ASTN2: variants seen among roughly 807,000 people sequenced by gnomAD.
The protein encoded by ASTN2 is astrotactin 2.
ASTN2 carries 54 observed loss-of-function variants against 139.8 expected under a neutral mutation model. That is an observed-to-expected ratio of 0.39 (90% CI 0.31 to 0.48). The LOEUF is 0.48. ASTN2 is among the 20% of genes least tolerant of loss of function. The probability of loss-of-function intolerance (pLI) is 0.95; values close to 1 mark genes in which losing one functional copy is unlikely to be tolerated. For synonymous variants in ASTN2, 756 were observed against 719.5 expected, an observed-to-expected ratio of 1.05 and a Z score of -0.81; for missense variants, 1,565 against 1,725.1, an observed-to-expected ratio of 0.91 and a Z score of 1.64.
chr9:116,569,896 T>G (rs184510875), intron 19 of ASTN2, among the ~76,000 whole-genome samples: 2 of 152,210 alleles, frequency 1.3e-5, no homozygotes, highest in African/African-American at 4.8e-5. Context: ...TTTCTCTGAC[T>G]GGTTGGAGAG....
At chr9:117,324,224 T>C (rs1020108512) in intron 1 of ASTN2, among the ~76,000 whole-genome samples, 1 of 152,106 alleles carries the variant, frequency 6.6e-6, no homozygotes, top group African/African-American at 2.4e-5. Flanking sequence ...AGGACAAAAG[T>C]GTTCCAGCCA....
At chr9:117,069,516 CT>C (rs1226085101) in intron 5 of ASTN2, among the ~76,000 whole-genome samples, 1 of 43,022 alleles carries the variant, frequency 2.3e-5, no homozygotes, top group East Asian at 9.4e-4. Flanking sequence ...CTGTAGATGT[CT>C]ATTAGGTCCG....
Position 116,433,554 on chromosome 9 carries a change from T to C in ASTN2, c.3782+7055A>G, listed in dbSNP as rs533507922. Among the ~76,000 whole-genome samples, 3 of 152,328 alleles carry C rather than the reference T, an allele frequency of 2.0e-5. No homozygotes were observed. In the East Asian group the frequency reaches 5.8e-4, roughly 29 times the overall value. Reference sequence around the variant, plus strand: ...ATTATTTTATATATTTCTGTATCATTTGGATTTTATATAATGAACAATAAT... The same window carrying C: ...ATTATTTTATATATTTCTGTATCATCTGGATTTTATATAATGAACAATAAT... On this transcript the variant is annotated intron_variant, in intron 22 of 22. Coordinates refer to ENST00000313400, the MANE Select transcript of ASTN2 (RefSeq NM_001365068.1).
At chr9:117,127,152 T>C (rs1829708885) in intron 4 of ASTN2, among the ~76,000 whole-genome samples, 1 of 152,190 alleles carries the variant, frequency 6.6e-6, no homozygotes, top group South Asian at 2.1e-4. Flanking sequence ...CATCCTGGGT[T>C]GCTGTAGTTA....
chr9:117,094,617 G>T (rs1200146971), intron 5 of ASTN2, among the ~76,000 whole-genome samples: 1 of 152,100 alleles, frequency 6.6e-6, no homozygotes, highest in Non-Finnish European at 1.5e-5. Context: ...GGAGGGAGAG[G>T]CAGATCCCAT....
chr9:117,256,557 C>T (rs1332966012), intron 2 of ASTN2, among the ~76,000 whole-genome samples: 4 of 152,114 alleles, frequency 2.6e-5, no homozygotes, highest in Non-Finnish European at 4.4e-5. Flanking sequence ...TGGACTTGAA[C>T]TTAGGTTTGT....
At chr9:117,098,985 G>A (rs1828906333) in intron 4 of ASTN2, among the ~76,000 whole-genome samples, 1 of 151,604 alleles carries the variant, frequency 6.6e-6, no homozygotes, top group Non-Finnish European at 1.5e-5. Context: ...GCATGTACGT[G>A]TAATCCCAGC....
rs1588455263 is a variant in ASTN2 at position 116,978,512 on chromosome 9, C to A, written c.1592-1727G>T. Among the ~76,000 whole-genome samples the A allele has an allele frequency of 2.1e-5, 3 of 146,084 alleles. No individual in the cohort carries two copies. The South Asian group carries it at 6.4e-4, about 31-fold the overall frequency. On this transcript the variant is annotated intron_variant, in intron 7 of 22. Transcript: ENST00000313400. ...TCTCTCACGCACACACACACACACA[C>A]ACACACACACAGAGAGATAAACCTG...
At chr9:116,939,839 G>A (rs748555283) in intron 10 of ASTN2, among the ~76,000 whole-genome samples, 2 of 152,136 alleles carry the variant, frequency 1.3e-5, no homozygotes, top group African/African-American at 2.4e-5. Context: ...TGACGTTTCC[G>A]TCAACCATGG....
At chr9:117,044,609 A>G (rs1329090803) in intron 5 of ASTN2, among the ~76,000 whole-genome samples, 2 of 152,230 alleles carry the variant, frequency 1.3e-5, no homozygotes, top group Non-Finnish European at 2.9e-5. Context: ...CTCCCAAAGC[A>G]GGCTTCTTAC....
chr9:116,769,387 A>C (rs1023002928), intron 13 of ASTN2, among the ~76,000 whole-genome samples: 1 of 151,984 alleles, frequency 6.6e-6, no homozygotes, highest in East Asian at 1.9e-4. Flanking sequence ...AGTAAGTGGG[A>C]AGTGAGGAAG....
chr9:116,976,309 G>T (rs1836340342), intron 8 of ASTN2, 121 bp from the exon 9 acceptor site: 1 of 755,946 alleles, frequency 1.3e-6, no homozygotes, highest in Non-Finnish European at 2.3e-6. Context: ...TAATTATTGG[G>T]CAAGACTACT....
chr9:116,913,134 C>G (rs1834360464), intron 10 of ASTN2, among the ~76,000 whole-genome samples: 1 of 152,172 alleles, frequency 6.6e-6, no homozygotes, highest in Admixed American at 6.5e-5. Context: ...GAACTCCTGA[C>G]CTCAAGTGAT....
chr9:117,411,332 G>T (rs1424756659), intron 1 of ASTN2, among the ~76,000 whole-genome samples: 2 of 147,994 alleles, frequency 1.4e-5, no homozygotes, highest in Non-Finnish European at 3.0e-5. Context: ...TTCTAAAGAA[G>T]AATCCCAGGC....
chr9:116,870,685 G>A (rs1288351718), intron 10 of ASTN2, among the ~76,000 whole-genome samples: 1 of 152,174 alleles, frequency 6.6e-6, no homozygotes, highest in Non-Finnish European at 1.5e-5. Flanking sequence ...GACCGGTAAA[G>A]TACAAATGCG....
At chr9:116,576,530 A>G (rs1853728086) in intron 19 of ASTN2, among the ~76,000 whole-genome samples, 1 of 152,282 alleles carries the variant, frequency 6.6e-6, no homozygotes, top group East Asian at 1.9e-4. Context: ...ATGATCCTAC[A>G]GGCTGGCACT....
At chr9:116,799,082 G>T (rs950358098) in intron 13 of ASTN2, among the ~76,000 whole-genome samples, 1 of 124,966 alleles carries the variant, frequency 8.0e-6, no homozygotes, top group African/African-American at 3.0e-5. Context: ...TTAAAGGGGC[G>T]GGGGGAGGGA....
chr9:116,632,689 CT>C (rs1856867548), intron 17 of ASTN2, among the ~76,000 whole-genome samples: 1 of 152,152 alleles, frequency 6.6e-6, no homozygotes, highest in South Asian at 2.1e-4. Context: ...CCTATAATGC[CT>C]TTATTCTATC....
intron 11 of ASTN2, among the ~76,000 whole-genome samples, chr9:116,854,934 G>GCC (rs1832700500): frequency 1.3e-5 from 2 of 151,760 alleles, no homozygotes; most frequent in Admixed American, 1.3e-4. Context: ...TTACAGGTTT[G>GCC]AGCCACCGCG....
Sources: gnomAD v4.1 joint callset for allele counts (sites outside exome capture counted in the v4.1 genomes callset) on GRCh38, gnomAD v4.1.1 for gene constraint, MANE v1.5 for transcripts, NCBI Gene and HGNC (gene_info 2026-07-23, HGNC 2026-07-21) for gene names.